ATP8B2: variants seen among roughly 807,000 people sequenced by gnomAD.
ATP8B2 encodes phospholipid-transporting ATPase ID.
A neutral mutation model predicts 133.4 loss-of-function variants in ATP8B2; 70 were observed. The observed-to-expected ratio is 0.52, with a 90% CI of 0.43 to 0.64. The LOEUF (loss-of-function observed/expected upper bound fraction) is 0.64, where lower values mean the gene tolerates loss of function less well. ATP8B2 is among the 30% of genes least tolerant of loss of function. The pLI is 0.00. For missense variants in ATP8B2, 1,101 were observed against 1,535.7 expected (o/e 0.72, Z 4.73); for synonymous variants, 517 against 589.5 (o/e 0.88, Z 1.78).
chr1:154,346,187 G>A lies in ATP8B2; in HGVS notation c.2779-44G>A, dbSNP rs756404900. 6.9e-6 allele frequency: 11 copies of A among 1,594,830 alleles called. No individual in the cohort carries two copies. The highest frequency in any genetic ancestry group is 1.7e-5 in the Admixed American group (1 of 59,044). On this transcript the variant is annotated intron_variant, in intron 24 of 27. Coordinates refer to ENST00000368489, the MANE Select transcript of ATP8B2 (RefSeq NM_001370597.1). This position sits in a 1 kb window ranked among gnomAD's most constrained non-coding sequence, Gnocchi z 4.5. ...GCCCTTGGTCATCCAGGGTCAAAACGGCAACCTCTGAGGCCCCCTATGCTA... is the reference window on the plus strand; with the variant it reads ...GCCCTTGGTCATCCAGGGTCAAAACAGCAACCTCTGAGGCCCCCTATGCTA...
intron 14 of ATP8B2, 32 bp downstream of exon 14, chr1:154,342,555 AG>A: frequency 6.2e-7 from 1 of 1,605,724 alleles, no homozygotes; most frequent in Non-Finnish European, 8.5e-7. Flanking sequence ...TCTATGTGCC[AG>A]TGAAACAGGG....
rs1685964567 is a variant in ATP8B2 at position 154,330,863 on chromosome 1, G to A, written c.139G>A (p.Val47Ile). 1 of 1,614,148 alleles carries A rather than the reference G, an allele frequency of 6.2e-7. No homozygotes were observed. Among genetic ancestry groups the A allele is most frequent in the Non-Finnish European group, 8.5e-7 (1 of 1,180,024 alleles). ...SKYNILTFLP[V>I]NLFEQFQEVA... ...GTACAATATTCTCACCTTCCTGCCT[G>A]TCAACCTCTTTGAGCAGTTCCAGGA... is the stretch of plus-strand genomic sequence containing the variant. The change falls in exon 4 of 28, where the codon GTC becomes ATC. Residue 47 changes from valine (V) to isoleucine (I), a missense_variant. Coordinates refer to ENST00000368489, the MANE Select transcript of ATP8B2 (RefSeq NM_001370597.1).
rs1488896770 is a variant in ATP8B2, at chr1:154,328,881, C to G, written c.31+709C>G. 10 of 1,256,700 alleles carry G rather than the reference C, an allele frequency of 8.0e-6. No individual in the cohort carries two copies. The East Asian group carries it at 4.8e-4, about 61-fold the overall frequency. The allele number at this position is 1,256,700 out of a possible 1,614,324, so 77.8% of individuals were successfully genotyped here. ...GCGCGCGCCCGACGGCTGGGGCTCCCCTCTGAGCGGCTGCGGCTCCTGCAC... is the reference window on the plus strand; with the variant it reads ...GCGCGCGCCCGACGGCTGGGGCTCCGCTCTGAGCGGCTGCGGCTCCTGCAC... On this transcript the variant is annotated intron_variant, in intron 2 of 27. Coordinates refer to ENST00000368489, the MANE Select transcript of ATP8B2 (RefSeq NM_001370597.1). This position sits in a 1 kb window ranked among gnomAD's most constrained non-coding sequence, Gnocchi z 4.6.
rs149142094 is a variant in ATP8B2, at chr1:154,345,803, G to A, written c.2698G>A (p.Val900Ile). Residue 900 changes from valine to isoleucine, a missense_variant, in exon 24 of 28, where the codon GTC becomes ATC. Val to Ile is a conservative substitution (Grantham distance 29, BLOSUM62 3). Coordinates refer to ENST00000368489, the MANE Select transcript of ATP8B2 (RefSeq NM_001370597.1). The surrounding 1 kb of genome is among the most constrained non-coding windows in gnomAD (Gnocchi z 5.6). ...CTTGCTCCCTGTTCTCTTCCAGACC[G>A]TCTATGACCAGTATTTCATCACCCT... is the stretch of plus-strand genomic sequence containing the variant. ...GFFCGFSAQTVYDQYFITLYN... is the reference protein window; with the variant it reads ...GFFCGFSAQTIYDQYFITLYN... 13 of 1,611,606 alleles carry A rather than the reference G, an allele frequency of 8.1e-6. No individual in the cohort carries two copies. The highest frequency in any genetic ancestry group is 2.7e-5 in the African/African-American group (2 of 74,846).
At chr1:154,327,821 C>G (rs774538692) in intron 1 of ATP8B2, 3 of 1,614,006 alleles carry the variant, frequency 1.9e-6, no homozygotes, top group African/African-American at 1.3e-5. Context: ...GAGAGCTGTT[C>G]CCCTTTTTTC....
rs372538054 is a variant in ATP8B2, at chr1:154,330,941, T to A, written c.204+13T>A. The A allele has an allele frequency of 1.9e-6, 3 of 1,610,134 alleles. No individual in the cohort carries two copies. The African/African-American group carries it at 4.0e-5, about 22-fold the overall frequency. Reference sequence around the variant, plus strand: ...CCTCATTCTGCAGGTAGGTGACCCATAGTAGATTTTTTGCAGCTCCCCAAA... The same window carrying A: ...CCTCATTCTGCAGGTAGGTGACCCAAAGTAGATTTTTTGCAGCTCCCCAAA... On this transcript the variant is annotated intron_variant, in intron 4 of 27. Coordinates refer to ENST00000368489, the MANE Select transcript of ATP8B2 (RefSeq NM_001370597.1).
At chr1:154,335,280 T>C (rs535409193) in intron 11 of ATP8B2, among the ~76,000 whole-genome samples, 5 of 152,324 alleles carry the variant, frequency 3.3e-5, no homozygotes, top group African/African-American at 4.8e-5. Context: ...ATCTCCTATT[T>C]TGTTTCAAAG....
intron 26 of ATP8B2, among the ~76,000 whole-genome samples, chr1:154,347,938 CAAAA>C (rs35998355): frequency 3.9e-5 from 4 of 101,378 alleles, no homozygotes; most frequent in Non-Finnish European, 3.9e-5. Flanking sequence ...AACTCTGTCT[CAAAA>C]AAAAAAAAAA....
rs1361789075 is a variant in ATP8B2 at position 154,350,633 on chromosome 1, T to C, written c.*1515T>C. 6.6e-6 allele frequency: 1 copy of C among 152,226 alleles called. No homozygotes were observed. The highest frequency in any genetic ancestry group is 2.4e-5 in the African/African-American group (1 of 41,416). The allele number at this position is 152,226 out of a possible 1,614,324, so 9.4% of individuals were successfully genotyped here. On this transcript the variant is annotated 3_prime_UTR_variant, in exon 28 of 28. Transcript: ENST00000368489. ...GTGGTGGAATCCTTGTGCCGGGTAG[T>C]AGAGGAGGATAAGGGCAAAACCAGG...
rs1222139760 is a variant in ATP8B2, at chr1:154,344,523, G to A, written c.2141+23G>A. The A allele has an allele frequency of 6.2e-7, 1 of 1,614,078 alleles. No homozygotes were observed. Among genetic ancestry groups the A allele is most frequent in the East Asian group, 2.2e-5 (1 of 44,872 alleles). On this transcript the variant is annotated intron_variant, in intron 20 of 27. Coordinates refer to ENST00000368489, the MANE Select transcript of ATP8B2 (RefSeq NM_001370597.1). The surrounding 1 kb of genome is among the most constrained non-coding windows in gnomAD (Gnocchi z 4.1). ...CAGGTAAACAAGAAGCCCAGGGGAG[G>A]CGGTGCTGTGCGTTGTGCCCAGGGC...
Position 154,328,645 on chromosome 1 carries a change from G to A in ATP8B2, c.31+473G>A, listed in dbSNP as rs1470890077. 6.6e-6 allele frequency among the ~76,000 whole-genome samples: 1 copy of A among 152,208 alleles called. No individual in the cohort carries two copies. Among genetic ancestry groups the A allele is most frequent in the Non-Finnish European group, 1.5e-5 (1 of 67,970 alleles). On this transcript the variant is annotated intron_variant, in intron 2 of 27. Coordinates refer to ENST00000368489, the MANE Select transcript of ATP8B2 (RefSeq NM_001370597.1). This position sits in a 1 kb window ranked among gnomAD's most constrained non-coding sequence, Gnocchi z 4.6. ...GAGGGGAGGCGGGGCTCGCGCGCGA[G>A]CTTTCGCCTACGCGGCGCGCTGGCA...
At chr1:154,347,726 A>C (rs1336320137) in intron 26 of ATP8B2, among the ~76,000 whole-genome samples, 1 of 152,144 alleles carries the variant, frequency 6.6e-6, no homozygotes, top group Non-Finnish European at 1.5e-5. Context: ...GGATTACCTG[A>C]GGTTGGGAGT....
Position 154,349,178 on chromosome 1 carries a change from A to G in ATP8B2, c.*60A>G. On this transcript the variant is annotated 3_prime_UTR_variant, in exon 28 of 28. Transcript: ENST00000368489. ...AGCACCCAGGGCTGGCCAGTCACTG[A>G]GGGAACAGCGTCTCGGAACTGCTGG... is the stretch of plus-strand genomic sequence containing the variant. The G allele has an allele frequency of 6.4e-7, 1 of 1,569,944 alleles. No homozygotes were observed. The highest frequency in any genetic ancestry group is 8.7e-7 in the Non-Finnish European group (1 of 1,153,730).
At position 154,349,155 on chromosome 1, in the gene ATP8B2, C is replaced by T; in HGVS notation, c.*37C>T. On this transcript the variant is annotated 3_prime_UTR_variant, in exon 28 of 28. Transcript: ENST00000368489. ...GGATGCCCTGTGCCAGTGACCAGAG[C>T]ACCCAGGGCTGGCCAGTCACTGAGG... The T allele has an allele frequency of 6.3e-7, 1 of 1,596,014 alleles. No individual in the cohort carries two copies. The highest frequency in any genetic ancestry group is 8.6e-7 in the Non-Finnish European group (1 of 1,168,186).
At position 154,349,028 on chromosome 1, in the gene ATP8B2, C is replaced by T. The variant is rs751921815; in HGVS notation, c.3483C>T (p.Ser1161=). ...SLALSSFTTR[S]SSSWIESLRR... is the part of the protein sequence containing the mutation. The stretch of plus-strand genomic sequence containing the variant: ...CGCTCTCCAGCTTCACCACCCGCTC[C>T]AGCTCCAGCTGGATTGAGAGCCTGC... The change falls in exon 28 of 28, where the codon TCC becomes TCT. Residue 1161 remains serine, a synonymous_variant. Coordinates refer to ENST00000368489, the MANE Select transcript of ATP8B2 (RefSeq NM_001370597.1). 70 of 1,614,142 alleles carry T rather than the reference C, an allele frequency of 4.3e-5. No individual in the cohort carries two copies. Among genetic ancestry groups the T allele is most frequent in the South Asian group, 1.8e-4 (16 of 91,094 alleles).
intron 27 of ATP8B2, 34 bp downstream of exon 27, chr1:154,348,572 A>C (rs749203029): frequency 1.2e-6 from 2 of 1,607,576 alleles, no homozygotes; most frequent in Admixed American, 3.3e-5. Context: ...TGGGAGGCAG[A>C]GATGGGGTGG....
Position 154,345,950 on chromosome 1 carries a change from G to A in ATP8B2, c.2778+67G>A, listed in dbSNP as rs937937200. On this transcript the variant is annotated intron_variant, in intron 24 of 27. Coordinates refer to ENST00000368489, the MANE Select transcript of ATP8B2 (RefSeq NM_001370597.1). The surrounding 1 kb of genome is among the most constrained non-coding windows in gnomAD (Gnocchi z 5.6). ...CACTGCTTGAAGGAGTCACATAGAC[G>A]TGGTGTGTGACACTTGTGCCCATTT... is the stretch of plus-strand genomic sequence containing the variant. 7.1e-7 allele frequency: 1 copy of A among 1,408,456 alleles called. No individual in the cohort carries two copies. Among genetic ancestry groups the A allele is most frequent in the Non-Finnish European group, 1.0e-6 (1 of 996,930 alleles). The allele number at this position is 1,408,456 out of a possible 1,614,324, so 87.2% of individuals were successfully genotyped here. A position where few individuals can be genotyped will look rare whatever the true frequency, so the allele number is the denominator to read the frequency against.
rs1337570648 is a variant in ATP8B2 at position 154,346,101 on chromosome 1, GA to G, written c.2779-129del. On this transcript the variant is annotated intron_variant, in intron 24 of 27. Transcript: ENST00000368489. The surrounding 1 kb of genome is among the most constrained non-coding windows in gnomAD (Gnocchi z 4.5). ...AAGTTAGTCTGGGGGTAGCTGGCTT[GA>G]GGTTGGTTCTAGCTGCCAAAGACTT... 3 of 1,355,776 alleles carry G rather than the reference GA, an allele frequency of 2.2e-6. No homozygotes were observed. The allele number at this position is 1,355,776 out of a possible 1,614,324, so 84.0% of individuals were successfully genotyped here.
rs1382469790 is a variant in ATP8B2 at position 154,345,436 on chromosome 1, G to A, written c.2585G>A (p.Arg862His). ...CAGCGCCTCCTGCTGGTGCATGGGC[G>A]CTGGTCCTACCTGCGAATGTGCAAG... ...FLQRLLLVHG[R>H]WSYLRMCKFL... is the part of the protein sequence containing the mutation. Residue 862 changes from arginine to histidine, a missense_variant, in exon 23 of 28, where the codon CGC becomes CAC. Arg to His is a conservative substitution (Grantham distance 29). Coordinates refer to ENST00000368489, the MANE Select transcript of ATP8B2 (RefSeq NM_001370597.1). This position sits in a 1 kb window ranked among gnomAD's most constrained non-coding sequence, Gnocchi z 5.6. The A allele has an allele frequency of 6.2e-6, 10 of 1,614,076 alleles. No homozygotes were observed. The highest frequency in any genetic ancestry group is 2.2e-5 in the East Asian group (1 of 44,894).
Sources: allele counts gnomAD v4.1 joint callset (sites outside exome capture counted in the v4.1 genomes callset), GRCh38; gene constraint gnomAD v4.1.1; non-coding constraint Gnocchi (gnomAD v3.1); transcripts MANE v1.5; gene names NCBI Gene and HGNC (gene_info 2026-07-23, HGNC 2026-07-21).